Variants in PYM1 observed in about 807,000 individuals in gnomAD.
PYM1 encodes the protein PYM1 exon junction complex associated factor.
In PYM1, 7 loss-of-function variants were observed where a neutral mutation model predicts 20.7. The observed-to-expected ratio is 0.34, with a 90% CI of 0.19 to 0.64. PYM1 has a LOEUF of 0.64. PYM1 is among the 30% of genes least tolerant of loss of function. PYM1 has a pLI of 0.74. For synonymous variants in PYM1, 100 were observed against 99.2 expected (o/e 1.01, Z -0.05); for missense variants, 194 against 250.0 (o/e 0.78, Z 1.51).
chr12:55,912,969 G>GA lies in PYM1; in HGVS notation c.38-9490dup, dbSNP rs373653420. 1.0e-3 allele frequency among the ~76,000 whole-genome samples: 145 copies of GA among 138,798 alleles called. 1 individual carries two copies. Among genetic ancestry groups the GA allele is most frequent in the East Asian group, 6.0e-3 (29 of 4,794 alleles). 91.1% of individuals were successfully genotyped at this position (138,798 alleles called of 152,430 possible). A position where few individuals can be genotyped will look rare whatever the true frequency, so the allele number is the denominator to read the frequency against. On this transcript the variant is annotated intron_variant, in intron 1 of 2. Transcript: ENST00000408946. ...ACAAGAGCAAAACTCCGTCTCAAAAGAAAAAAAAAAAATAGAAACTAAAAT... is the reference window on the plus strand; with the variant it reads ...ACAAGAGCAAAACTCCGTCTCAAAAGAAAAAAAAAAAAATAGAAACTAAAAT...
chr12:55,927,169 G>A, intron 1 of PYM1: 2 of 1,550,724 alleles, frequency 1.3e-6, no homozygotes, highest in African/African-American at 1.4e-5. Flanking sequence ...CCTCCCCACC[G>A]GAAGTGGAGT....
At chr12:55,910,716 T>A (rs1041523258) in intron 1 of PYM1, among the ~76,000 whole-genome samples, 3 of 152,064 alleles carry the variant, frequency 2.0e-5, no homozygotes, top group African/African-American at 7.2e-5. Flanking sequence ...AGTGTTGGGA[T>A]TGCAGGCGTG....
intron 1 of PYM1, 115 bp downstream of exon 1, chr12:55,927,610 C>T: frequency 2.2e-6 from 3 of 1,372,244 alleles, no homozygotes; most frequent in Non-Finnish European, 3.0e-6. Flanking sequence ...CCCTATCTAA[C>T]CCTAAGAAGG....
intron 1 of PYM1, among the ~76,000 whole-genome samples, chr12:55,924,827 C>T (rs1184227979): frequency 6.6e-6 from 1 of 152,088 alleles, no homozygotes; most frequent in Non-Finnish European, 1.5e-5. Flanking sequence ...CAGGCCCACG[C>T]CACCATGCCA....
chr12:55,922,894 G>A (rs866756611), intron 1 of PYM1, among the ~76,000 whole-genome samples: 1 of 152,124 alleles, frequency 6.6e-6, no homozygotes, highest in Non-Finnish European at 1.5e-5. Context: ...TAAATGTTAT[G>A]TAGTACCCTG....
chr12:55,911,771 G>A (rs905697067), intron 1 of PYM1, among the ~76,000 whole-genome samples: 4 of 151,950 alleles, frequency 2.6e-5, no homozygotes, highest in Non-Finnish European at 5.9e-5. Flanking sequence ...ATCCCAGGAG[G>A]GGGAGGTTGC....
intron 1 of PYM1, among the ~76,000 whole-genome samples, chr12:55,909,041 G>T (rs1269689255): frequency 1.3e-5 from 2 of 152,096 alleles, no homozygotes; most frequent in Non-Finnish European, 2.9e-5. Flanking sequence ...GACAGTTCAT[G>T]TTAGGGAATA....
chr12:55,909,078 G>C (rs1882875692), intron 1 of PYM1, among the ~76,000 whole-genome samples: 2 of 152,102 alleles, frequency 1.3e-5, no homozygotes, highest in African/African-American at 4.8e-5. Flanking sequence ...ATGAAAAATG[G>C]GGTAATCGCA....
At chr12:55,915,941 C>T (rs1565717174) in intron 1 of PYM1, among the ~76,000 whole-genome samples, 1 of 152,158 alleles carries the variant, frequency 6.6e-6, no homozygotes. Context: ...TAATAAGTAG[C>T]TACATTACAG....
chr12:55,924,517 G>A (rs1294544004), intron 1 of PYM1, among the ~76,000 whole-genome samples: 1 of 152,012 alleles, frequency 6.6e-6, no homozygotes, highest in Non-Finnish European at 1.5e-5. Flanking sequence ...AAATCTGGCT[G>A]TGAAGAAAAA....
At chr12:55,903,098 TG>T (rs1456520986) in intron 2 of PYM1, among the ~76,000 whole-genome samples, 1 of 152,182 alleles carries the variant, frequency 6.6e-6, no homozygotes, top group Non-Finnish European at 1.5e-5. Flanking sequence ...TCTCTCTTTA[TG>T]GTCCCTCCCC....
chr12:55,905,934 A>AGATATATATTATTATATATATCTAT lies in PYM1; in HGVS notation c.38-2455_38-2454insATAGATATATATAATAATATATATC, dbSNP rs1565714530. On this transcript the variant is annotated intron_variant, in intron 1 of 2. Transcript: ENST00000408946. ...ATATATATATTATTATATATATCTA[A>AGATATATATTATTATATATATCTAT]TAGATATATATATTATTATATATAT... 3.0e-4 allele frequency among the ~76,000 whole-genome samples: 21 copies of AGATATATATTATTATATATATCTAT among 70,216 alleles called. 1 individual carries two copies. The highest frequency in any genetic ancestry group is 1.9e-3 in the Admixed American group (10 of 5,254). The allele number at this position is 70,216 out of a possible 152,430, so 46.1% of individuals were successfully genotyped here.
At position 55,902,047 on chromosome 12, in the gene PYM1, G is replaced by A. The variant is rs769924482; in HGVS notation, c.440C>T (p.Thr147Ile). ...AASDQPDSAATTEKAKKIKNL... is the reference protein window; with the variant it reads ...AASDQPDSAAITEKAKKIKNL... ...CTTTATCTTCTTGGCTTTCTCAGTG[G>A]TGGCAGCTGAGTCAGGCTGGTCAGA... Residue 147 changes from threonine to isoleucine, a missense_variant, in exon 3 of 3, where the codon ACC becomes ATC. This residue lies in a region of PYM1 where 158 missense variants were observed against 179.0 expected (regional missense o/e 0.88). Transcript: ENST00000408946. The A allele has an allele frequency of 6.2e-7, 1 of 1,614,112 alleles. No homozygotes were observed. The highest frequency in any genetic ancestry group is 8.5e-7 in the Non-Finnish European group (1 of 1,180,026).
intron 1 of PYM1, among the ~76,000 whole-genome samples, chr12:55,921,538 A>T (rs1883097609): frequency 6.6e-6 from 1 of 152,098 alleles, no homozygotes; most frequent in South Asian, 2.1e-4. Context: ...ATAAAAAAAA[A>T]TACTCCCATA....
intron 1 of PYM1, among the ~76,000 whole-genome samples, chr12:55,918,707 A>C (rs1883049467): frequency 6.6e-6 from 1 of 152,106 alleles, no homozygotes; most frequent in African/African-American, 2.4e-5. Flanking sequence ...GTCTCTACTA[A>C]AAATACAAAA....
intron 1 of PYM1, among the ~76,000 whole-genome samples, chr12:55,921,618 C>A (rs1883098972): frequency 6.6e-6 from 1 of 152,076 alleles, no homozygotes; most frequent in South Asian, 2.1e-4. Flanking sequence ...ACAAGGGCTT[C>A]TTGGAGAAAT....
At chr12:55,913,595 T>G (rs575377195) in intron 1 of PYM1, among the ~76,000 whole-genome samples, 2 of 152,202 alleles carry the variant, frequency 1.3e-5, no homozygotes, top group South Asian at 4.2e-4. Context: ...AAACAACAGC[T>G]GCAATGTGAA....
At chr12:55,915,310 G>A (rs1424598070) in intron 1 of PYM1, among the ~76,000 whole-genome samples, 1 of 151,298 alleles carries the variant, frequency 6.6e-6, no homozygotes, top group Non-Finnish European at 1.5e-5. Context: ...AAAGGTTCTG[G>A]CTTTGGCATT....
chr12:55,926,268 C>T (rs1468024076), intron 1 of PYM1, among the ~76,000 whole-genome samples: 1 of 152,174 alleles, frequency 6.6e-6, no homozygotes, highest in Non-Finnish European at 1.5e-5. Context: ...GGGACAAAAC[C>T]ATGATAAAAG....
Sources: gnomAD v4.1 joint callset for allele counts (sites outside exome capture counted in the v4.1 genomes callset) on GRCh38, gnomAD v4.1.1 for gene constraint, gnomAD v4.1.1 regional missense constraint, MANE v1.5 for transcripts, NCBI Gene and HGNC (gene_info 2026-07-23, HGNC 2026-07-21) for gene names.